TMEM196: variants seen among roughly 807,000 people sequenced by gnomAD.
The protein encoded by TMEM196 is transmembrane protein 196.
TMEM196 carries 17 observed loss-of-function variants against 20.0 expected under a neutral mutation model. That is an observed-to-expected ratio of 0.85 (90% CI 0.58 to 1.27). The LOEUF (loss-of-function observed/expected upper bound fraction) is 1.27, where lower values mean the gene tolerates loss of function less well. Ranked by LOEUF, TMEM196 falls within the 50% of genes most tolerant of loss-of-function variation. The pLI, the probability that TMEM196 is intolerant of heterozygous loss-of-function variation, is 0.00. For synonymous variants in TMEM196, 113 were observed against 88.9 expected, an observed-to-expected ratio of 1.27 and a Z score of -1.52; for missense variants, 267 against 223.0, an observed-to-expected ratio of 1.20 and a Z score of -1.26.
intron 3 of TMEM196, among the ~76,000 whole-genome samples, chr7:19,724,888 C>G (rs528068742): frequency 2.8e-4 from 42 of 152,222 alleles, no homozygotes; most frequent in African/African-American, 9.6e-4. Flanking sequence ...TCATACTATA[C>G]CATTTGTCCT....
chr7:19,746,767 A>T lies in TMEM196; in HGVS notation c.148-17329T>A, dbSNP rs147773389. ...ACATACAAATTTTGTATTTTGGGCC[A>T]CCTTCCAAAATAATTAATTGATTTG... On this transcript the variant is annotated intron_variant, in intron 1 of 4. Transcript: ENST00000405844. Among the ~76,000 whole-genome samples the T allele has an allele frequency of 3.1e-3, 474 of 152,318 alleles. 2 individuals are homozygous for T. Among genetic ancestry groups the T allele is most frequent in the African/African-American group, 0.011 (456 of 41,566 alleles).
At chr7:19,752,430 A>T (rs17141906) in intron 1 of TMEM196, among the ~76,000 whole-genome samples, 10,262 of 152,104 alleles carry the variant, frequency 0.067, 710 homozygotes, top group African/African-American at 0.17. Flanking sequence ...AGTGAAATTT[A>T]GCTTTTATTC....
At position 19,729,408 on chromosome 7, in the gene TMEM196, A is replaced by G; in HGVS notation, c.178T>C (p.Cys60Arg). 1 of 1,550,460 alleles carries G rather than the reference A, an allele frequency of 6.4e-7. No individual in the cohort carries two copies. Among genetic ancestry groups the G allele is most frequent in the Non-Finnish European group, 8.7e-7 (1 of 1,146,594 alleles). ...ACAAGTCCTGATTTTTTTTTGGCACACAATATTCCACAAATGCCACAAAGA... is the reference window on the plus strand; with the variant it reads ...ACAAGTCCTGATTTTTTTTTGGCACGCAATATTCCACAAATGCCACAAAGA... ...FLLCGICGIL[C>R]AKKKSGLVMI... Residue 60 changes from cysteine (C) to arginine (R), a missense_variant, in exon 2 of 5, where the codon TGT becomes CGT. Coordinates refer to ENST00000405844, the MANE Select transcript of TMEM196 (RefSeq NM_001363562.2).
At chr7:19,752,346 C>G (rs1184337614) in intron 1 of TMEM196, among the ~76,000 whole-genome samples, 4 of 152,156 alleles carry the variant, frequency 2.6e-5, no homozygotes, top group African/African-American at 9.7e-5. Context: ...AACTCAAAGA[C>G]ACTATTGATT....
In TMEM196 at chr7:19,724,346, C is replaced by T. The variant is rs1319870891; in HGVS notation, c.467G>A (p.Arg156Lys). The T allele has an allele frequency of 1.3e-6, 2 of 1,550,146 alleles. No individual in the cohort carries two copies. The highest frequency in any genetic ancestry group is 1.4e-5 in the African/African-American group (1 of 73,098). The change falls in exon 4 of 5, where the codon AGG becomes AAG. Residue 156 changes from arginine to lysine, a missense_variant. Coordinates refer to ENST00000405844, the MANE Select transcript of TMEM196 (RefSeq NM_001363562.2). Reference protein sequence around the residue: ...HSHEMAEKRLRAIEITDLPSC... With the variant: ...HSHEMAEKRLKAIEITDLPSC... ...GGGCAAGTCGGTTATTTCAATAGCCCTCAATCTCTAATGTAAATATAACAA... is the reference window on the plus strand; with the variant it reads ...GGGCAAGTCGGTTATTTCAATAGCCTTCAATCTCTAATGTAAATATAACAA...
intron 1 of TMEM196, among the ~76,000 whole-genome samples, chr7:19,751,083 A>G (rs1379956560): frequency 6.6e-6 from 1 of 152,226 alleles, no homozygotes; most frequent in East Asian, 1.9e-4. Context: ...AGAAATAGGA[A>G]GATGCAGAAT....
At chr7:19,723,855 C>G (rs10435067) in intron 4 of TMEM196, among the ~76,000 whole-genome samples, 1 of 151,884 alleles carries the variant, frequency 6.6e-6, no homozygotes, top group Non-Finnish European at 1.5e-5. Flanking sequence ...AAAATTTTAC[C>G]GTATTAGTGT....
intron 1 of TMEM196, among the ~76,000 whole-genome samples, chr7:19,736,016 T>C (rs1784387251): frequency 6.6e-6 from 1 of 152,040 alleles, no homozygotes; most frequent in African/African-American, 2.4e-5. Context: ...ATGTTAAATG[T>C]TTAAAAATTG....
chr7:19,749,134 C>T (rs977386873), intron 1 of TMEM196, among the ~76,000 whole-genome samples: 2 of 152,006 alleles, frequency 1.3e-5, no homozygotes, highest in Admixed American at 6.6e-5. Flanking sequence ...ATAATATTTC[C>T]AGAAATTTGT....
At chr7:19,731,090 C>T in intron 1 of TMEM196, among the ~76,000 whole-genome samples, 1 of 151,908 alleles carries the variant, frequency 6.6e-6, no homozygotes, top group South Asian at 2.1e-4. Context: ...AAGTAATAAA[C>T]CAAAGTAGAA....
chr7:19,747,614 C>T (rs755398430), intron 1 of TMEM196, among the ~76,000 whole-genome samples: 44 of 152,130 alleles, frequency 2.9e-4, no homozygotes, highest in Non-Finnish European at 5.4e-4. Flanking sequence ...GCAGAGTTGG[C>T]GTTTGAACTT....
chr7:19,729,410 A>G lies in TMEM196; in HGVS notation c.176T>C (p.Leu59Ser). 1.3e-6 allele frequency: 2 copies of G among 1,550,858 alleles called. No homozygotes were observed. Among genetic ancestry groups the G allele is most frequent in the Non-Finnish European group, 1.7e-6 (2 of 1,146,768 alleles). The change falls in exon 2 of 5, where the codon TTG becomes TCG. Residue 59 changes from leucine (L) to serine (S), a missense_variant. By Grantham distance (145) the Leu-to-Ser change is moderately radical. Coordinates refer to ENST00000405844, the MANE Select transcript of TMEM196 (RefSeq NM_001363562.2). ...PFLLCGICGI[L>S]CAKKKSGLVM... Reference sequence around the variant, plus strand: ...AAGTCCTGATTTTTTTTTGGCACACAATATTCCACAAATGCCACAAAGAAG... The same window carrying G: ...AAGTCCTGATTTTTTTTTGGCACACGATATTCCACAAATGCCACAAAGAAG...
intron 1 of TMEM196, among the ~76,000 whole-genome samples, chr7:19,749,708 G>C (rs1050803736): frequency 2.6e-5 from 4 of 152,114 alleles, no homozygotes; most frequent in African/African-American, 9.7e-5. Context: ...AACTTCTCCA[G>C]ATTTTTCTCA....
chr7:19,719,406 CAT>C lies in TMEM196; in HGVS notation c.*2720_*2721del, dbSNP rs1319111850. The C allele has an allele frequency of 3.9e-5, 6 of 152,014 alleles. No homozygotes were observed. Among genetic ancestry groups the C allele is most frequent in the African/African-American group, 1.4e-4 (6 of 41,386 alleles). The allele number at this position is 152,014 out of a possible 1,614,324, so 9.4% of individuals were successfully genotyped here. Reference sequence around the variant, plus strand: ...AAACCATTGTGTGTGTGTATATACACATATGTGTATGTATATGCATATATATA... The same window carrying C: ...AAACCATTGTGTGTGTGTATATACACATGTGTATGTATATGCATATATATA... On this transcript the variant is annotated 3_prime_UTR_variant, in exon 5 of 5. Transcript: ENST00000405844.
chr7:19,740,842 A>C (rs540916126), intron 1 of TMEM196, among the ~76,000 whole-genome samples: 1 of 152,184 alleles, frequency 6.6e-6, no homozygotes, highest in African/African-American at 2.4e-5. Context: ...GTAGTTTATA[A>C]GAATTGAGTA....
rs1391711631 is a variant in TMEM196 at position 19,721,085 on chromosome 7, C to A, written c.*1043G>T. On this transcript the variant is annotated 3_prime_UTR_variant, in exon 5 of 5. Coordinates refer to ENST00000405844, the MANE Select transcript of TMEM196 (RefSeq NM_001363562.2). ...TAGTCTATCTGTATACTACACTATT[C>A]AGATCACTCATCTTCATAAATATCA... 2 of 151,808 alleles carry A rather than the reference C, an allele frequency of 1.3e-5. No individual in the cohort carries two copies. Among genetic ancestry groups the A allele is most frequent in the Admixed American group, 1.3e-4 (2 of 15,230 alleles). 9.4% of individuals were successfully genotyped at this position (151,808 alleles called of 1,614,324 possible).
chr7:19,753,560 T>C (rs1186833591), intron 1 of TMEM196, among the ~76,000 whole-genome samples: 1 of 152,190 alleles, frequency 6.6e-6, no homozygotes, highest in Non-Finnish European at 1.5e-5. Context: ...GCTCTTGGTG[T>C]TCCCTTCATT....
intron 1 of TMEM196, among the ~76,000 whole-genome samples, chr7:19,738,878 T>G (rs911832051): frequency 1.3e-5 from 2 of 152,116 alleles, no homozygotes; most frequent in Non-Finnish European, 2.9e-5. Context: ...GGAGCATAAC[T>G]TCCCACTATC....
Position 19,734,013 on chromosome 7 carries a change from C to T in TMEM196, c.148-4575G>A, listed in dbSNP as rs544314424. Reference sequence around the variant, plus strand: ...GGAGACAACAGCATGGGAGGATACCCTCCACCCCAACCCTGTGATGAAGAT... The same window carrying T: ...GGAGACAACAGCATGGGAGGATACCTTCCACCCCAACCCTGTGATGAAGAT... On this transcript the variant is annotated intron_variant, in intron 1 of 4. Coordinates refer to ENST00000405844, the MANE Select transcript of TMEM196 (RefSeq NM_001363562.2). Among the ~76,000 whole-genome samples the T allele has an allele frequency of 7.9e-5, 12 of 152,270 alleles. No homozygotes were observed. The East Asian group carries it at 2.3e-3, about 29-fold the overall frequency.
Sources: gnomAD v4.1 joint callset for allele counts (sites outside exome capture counted in the v4.1 genomes callset) on GRCh38, gnomAD v4.1.1 for gene constraint, MANE v1.5 for transcripts, NCBI Gene and HGNC (gene_info 2026-07-23, HGNC 2026-07-21) for gene names.